The following KDM2B variants were observed in gnomAD, a reference collection of about 807,000 sequenced individuals.
KDM2B encodes the protein lysine demethylase 2B, also known as lysine-specific demethylase 2B.
In KDM2B, 26 loss-of-function variants were observed where a neutral mutation model predicts 150.0. That is an observed-to-expected ratio of 0.17 (90% CI 0.13 to 0.24). The LOEUF is 0.24. Ranked by LOEUF, KDM2B falls within the 10% of genes least tolerant of loss-of-function variation. The pLI, the probability that KDM2B is intolerant of heterozygous loss-of-function variation, is 1.00. For synonymous variants in KDM2B, 734 were observed against 729.5 expected (o/e 1.01, Z -0.10); for missense variants, 1,265 against 1,816.9 (o/e 0.70, Z 5.52).
the KDM2B span, chr12:121,409,439 A>C: frequency 2.0e-5 from 3 of 152,268 alleles, no homozygotes; most frequent in African/African-American, 7.2e-5. Context: ...CAAAGTAACC[A>C]CAGCCCTTTC....
intron 22 of KDM2B, among the ~76,000 whole-genome samples, chr12:121,437,021 C>T (rs976369499): frequency 6.6e-6 from 1 of 152,114 alleles, no homozygotes; most frequent in Non-Finnish European, 1.5e-5. Flanking sequence ...AAATGTCTCT[C>T]ACCAAATGTG....
At chr12:121,528,579 A>T (rs1594057215) in intron 8 of KDM2B, among the ~76,000 whole-genome samples, 1 of 51,642 alleles carries the variant, frequency 1.9e-5, no homozygotes, top group African/African-American at 3.4e-5. Flanking sequence ...AAAAAATAAT[A>T]AATAAATAAA....
At chr12:121,564,139 CA>C (rs1555314398) in intron 4 of KDM2B, among the ~76,000 whole-genome samples, 1 of 151,808 alleles carries the variant, frequency 6.6e-6, no homozygotes, top group African/African-American at 2.4e-5. Flanking sequence ...GTCTAGGTCC[CA>C]ATCAGTGCAA....
intron 1 of KDM2B, chr12:121,579,558 G>A: frequency 2.3e-6 from 3 of 1,293,698 alleles, no homozygotes; most frequent in Non-Finnish European, 3.0e-6. Flanking sequence ...GGCTTGGAAG[G>A]GGGAGAGGCA....
chr12:121,478,985 TG>T (rs1881740861), intron 12 of KDM2B, among the ~76,000 whole-genome samples: 1 of 150,870 alleles, frequency 6.6e-6, no homozygotes, highest in Non-Finnish European at 1.5e-5. Flanking sequence ...CCCAAAGTAC[TG>T]AGATTAAGGT....
chr12:121,508,267 T>G (rs182954118), intron 11 of KDM2B, among the ~76,000 whole-genome samples: 2 of 152,054 alleles, frequency 1.3e-5, no homozygotes, highest in Non-Finnish European at 2.9e-5. Flanking sequence ...TTTTATTTTT[T>G]GTAGAGATGG....
At chr12:121,411,513 T>A in the KDM2B span, among the ~76,000 whole-genome samples, 1 of 152,218 alleles carries the variant, frequency 6.6e-6, no homozygotes, top group Non-Finnish European at 1.5e-5. Context: ...TCTTCCCTAA[T>A]TCATTGTAAA....
chr12:121,428,303 C>T (rs1555284532), downstream of KDM2B, among the ~76,000 whole-genome samples: 1 of 152,130 alleles, frequency 6.6e-6, no homozygotes, highest in East Asian at 1.9e-4. Flanking sequence ...AGCGATTCTC[C>T]TGTCTCAGCC....
At chr12:121,443,991 C>A in intron 16 of KDM2B, 21 bp downstream of exon 16, 2 of 1,586,996 alleles carry the variant, frequency 1.3e-6, no homozygotes, top group South Asian at 1.2e-5. Flanking sequence ...CCTTTGCCTC[C>A]CAGCCCCTCC....
At chr12:121,443,066 C>A in intron 17 of KDM2B, 36 bp from the exon 18 acceptor site, 1 of 1,589,398 alleles carries the variant, frequency 6.3e-7, no homozygotes. Context: ...AGCTTGCTCC[C>A]CGGGCTCGTG....
intron 11 of KDM2B, among the ~76,000 whole-genome samples, chr12:121,495,548 CCTT>C (rs1555300827): frequency 6.6e-6 from 1 of 152,208 alleles, no homozygotes; most frequent in African/African-American, 2.4e-5. Flanking sequence ...AATCCTCCCT[CCTT>C]AGCCTACCAA....
At chr12:121,547,585 T>C (rs1889157399) in intron 6 of KDM2B, among the ~76,000 whole-genome samples, 1 of 151,128 alleles carries the variant, frequency 6.6e-6, no homozygotes, top group Non-Finnish European at 1.5e-5. Context: ...CAGCGCCAAC[T>C]CTTCTAGGAA....
intron 12 of KDM2B, chr12:121,469,477 T>C (rs1172471927): frequency 2.7e-5 from 4 of 150,376 alleles, no homozygotes; most frequent in African/African-American, 4.9e-5. Flanking sequence ...ATTAGCTCGG[T>C]GTGGTGGTGC....
chr12:121,539,551 C>T (rs1234528138), intron 6 of KDM2B, among the ~76,000 whole-genome samples: 3 of 152,050 alleles, frequency 2.0e-5, no homozygotes, highest in Admixed American at 6.6e-5. Context: ...GGCTCTGTGA[C>T]ATTGGACTGA....
rs551627264 is a variant in KDM2B at position 121,451,107 on chromosome 12, GC to G, written c.1959+2012del. Among the ~76,000 whole-genome samples, 31 of 150,814 alleles carry G rather than the reference GC, an allele frequency of 2.1e-4. 1 individual carries two copies. The South Asian group carries it at 3.4e-3, about 16-fold the overall frequency. On this transcript the variant is annotated intron_variant, in intron 13 of 22. Coordinates refer to ENST00000377071, the MANE Select transcript of KDM2B (RefSeq NM_032590.5). Reference sequence around the variant, plus strand: ...TATACTGAGTGTGCCTGCGTCTCCTGCCCCCCCCTTCTACCTCCTCCATCTC... The same window carrying G: ...TATACTGAGTGTGCCTGCGTCTCCTGCCCCCCCTTCTACCTCCTCCATCTC...
chr12:121,439,712 CT>C (rs1874653698), intron 22 of KDM2B, 144 bp downstream of exon 22: 6 of 664,954 alleles, frequency 9.0e-6, no homozygotes, highest in South Asian at 8.8e-5. Context: ...TGTTTCCCCC[CT>C]GGACTGGGCT....
At position 121,532,897 on chromosome 12, in the gene KDM2B, T is replaced by G. The variant is rs375985127; in HGVS notation, c.840A>C (p.Ser280=). ...NLALYEEWVL[S]GKQSDIFLGD... ...CCAGAAAGATGTCACTCTGTTTGCC[T>G]GACAGCACCCACTCCTCGTACAGCG... The change falls in exon 8 of 23, where the codon TCA becomes TCC. Residue 280 remains serine (S), a synonymous_variant. Coordinates refer to ENST00000377071, the MANE Select transcript of KDM2B (RefSeq NM_032590.5). The G allele has an allele frequency of 1.2e-6, 2 of 1,614,108 alleles. No homozygotes were observed. The highest frequency in any genetic ancestry group is 1.3e-5 in the African/African-American group (1 of 74,942).
chr12:121,502,298 G>C (rs1350843011), intron 11 of KDM2B, among the ~76,000 whole-genome samples: 3 of 152,150 alleles, frequency 2.0e-5, no homozygotes, highest in South Asian at 2.1e-4. Flanking sequence ...AGATGGCACA[G>C]GGATTCGGTC....
At chr12:121,536,736 G>T (rs1246017089) in intron 6 of KDM2B, among the ~76,000 whole-genome samples, 1 of 151,730 alleles carries the variant, frequency 6.6e-6, no homozygotes, top group Admixed American at 6.6e-5. Flanking sequence ...ACAGTCTAGG[G>T]AAAACAATCT....
Sources: gnomAD v4.1 joint callset for allele counts (sites outside exome capture counted in the v4.1 genomes callset) on GRCh38, gnomAD v4.1.1 for gene constraint, MANE v1.5 for transcripts, NCBI Gene and HGNC (gene_info 2026-07-23, HGNC 2026-07-21) for gene names.